Variants in ANKRD30BL observed in about 807,000 individuals in gnomAD.
ANKRD30BL encodes ankyrin repeat domain 30B like, also known as putative ankyrin repeat domain-containing protein 30B-like.
In ANKRD30BL, 20 loss-of-function variants were observed where a neutral mutation model predicts 18.4. The observed-to-expected ratio is 1.09, with a 90% CI of 0.77 to 1.58. The LOEUF (loss-of-function observed/expected upper bound fraction) is 1.58, where lower values mean the gene tolerates loss of function less well. Among genes scored for constraint, ANKRD30BL ranks in the 40% most tolerant of loss-of-function variants. The probability of loss-of-function intolerance (pLI) is 0.00; values close to 1 mark genes in which losing one functional copy is unlikely to be tolerated. For missense variants in ANKRD30BL, 224 were observed against 268.6 expected (o/e 0.83, Z 1.16); for synonymous variants, 72 against 100.9 (o/e 0.71, Z 1.72).
intron 1 of ANKRD30BL, among the ~76,000 whole-genome samples, chr2:132,236,118 G>T (rs981814201): frequency 3.9e-5 from 6 of 151,942 alleles, no homozygotes; most frequent in African/African-American, 1.5e-4. Flanking sequence ...AATGGTGCTG[G>T]GAAAACTGGC....
Position 132,177,688 on chromosome 2 carries a change from G to C in ANKRD30BL, n.442-20542C>G, listed in dbSNP as rs551188218. Among the ~76,000 whole-genome samples, 229 of 152,248 alleles carry C rather than the reference G, an allele frequency of 1.5e-3. 2 individuals carry two copies. The highest frequency in any genetic ancestry group is 5.2e-3 in the African/African-American group (218 of 41,562). On this transcript the variant is annotated intron_variant and non_coding_transcript_variant, in intron 1 of 4. Transcript: ENST00000470729. ...AAGGAATTGTTGAAAGAAAATACTGGATTTCAATATAGCATTTTCTCCTTT... is the reference window on the plus strand; with the variant it reads ...AAGGAATTGTTGAAAGAAAATACTGCATTTCAATATAGCATTTTCTCCTTT...
At chr2:132,188,100 C>T (rs139104614) in intron 1 of ANKRD30BL, among the ~76,000 whole-genome samples, 6,334 of 152,040 alleles carry the variant, frequency 0.042, 415 homozygotes, top group African/African-American at 0.15. Flanking sequence ...TATTTTTATG[C>T]CATAGTTCAT....
In ANKRD30BL at chr2:132,175,255, T is replaced by C. The variant is rs540745945; in HGVS notation, n.442-18109A>G. On this transcript the variant is annotated intron_variant and non_coding_transcript_variant, in intron 1 of 4. Transcript: ENST00000470729. ...ATGCAGTAGGAGAGCAGGGTGATAATAGGGAGAAGGTCAGCAAAAAAACAT... is the reference window on the plus strand; with the variant it reads ...ATGCAGTAGGAGAGCAGGGTGATAACAGGGAGAAGGTCAGCAAAAAAACAT... Among the ~76,000 whole-genome samples, 982 of 151,642 alleles carry C rather than the reference T, an allele frequency of 6.5e-3. 7 individuals are homozygous for C. Among genetic ancestry groups the C allele is most frequent in the African/African-American group, 0.014 (585 of 41,248 alleles).
chr2:132,230,380 T>C (rs1679976272), intron 1 of ANKRD30BL, among the ~76,000 whole-genome samples: 1 of 151,840 alleles, frequency 6.6e-6, no homozygotes, highest in South Asian at 2.1e-4. Context: ...AGTTGAACTT[T>C]CCTTTGATAG....
intron 1 of ANKRD30BL, among the ~76,000 whole-genome samples, chr2:132,230,965 C>T (rs1011564682): frequency 6.6e-6 from 1 of 152,092 alleles, no homozygotes; most frequent in Non-Finnish European, 1.5e-5. Flanking sequence ...GCTTTGCAGC[C>T]TTCATTGGAA....
intron 1 of ANKRD30BL, among the ~76,000 whole-genome samples, chr2:132,226,847 G>A (rs1234061281): frequency 6.6e-6 from 1 of 152,002 alleles, no homozygotes; most frequent in African/African-American, 2.4e-5. Context: ...TGCAGCCTAA[G>A]TTAGAAAAGG....
Position 132,214,645 on chromosome 2 carries a change from A to G in ANKRD30BL, n.441+42884T>C, listed in dbSNP as rs1194507973. ...GCAAGTGGACATTTGGAGTGCTTTG[A>G]GGCATATGGTGGAAAAGGAAATATC... is the stretch of plus-strand genomic sequence containing the variant. On this transcript the variant is annotated intron_variant and non_coding_transcript_variant, in intron 1 of 4. Coordinates refer to the ANKRD30BL transcript ENST00000470729. Among the ~76,000 whole-genome samples, 4 of 151,548 alleles carry G rather than the reference A, an allele frequency of 2.6e-5. No homozygotes were observed. The South Asian group carries it at 8.3e-4, about 32-fold the overall frequency.
chr2:132,153,572 G>A (rs1202121120), intron 4 of ANKRD30BL: 1 of 598,312 alleles, frequency 1.7e-6, no homozygotes, highest in African/African-American at 1.9e-5. Context: ...AAATCCACAA[G>A]CAACAGCATA....
At chr2:132,192,881 A>AGGGT (rs1558926396) in intron 1 of ANKRD30BL, among the ~76,000 whole-genome samples, 6 of 152,246 alleles carry the variant, frequency 3.9e-5, no homozygotes, top group Non-Finnish European at 7.3e-5. Context: ...TCTACTTTAC[A>AGGGT]TAGAAGAAAC....
At chr2:132,187,165 GTTTTTTGTTTTTTTTTTTGTTTGTTTT>G (rs1219743423) in intron 1 of ANKRD30BL, among the ~76,000 whole-genome samples, 2 of 122,282 alleles carry the variant, frequency 1.6e-5, no homozygotes, top group African/African-American at 6.5e-5. Flanking sequence ...ATCGTAGGAA[GTTTTTTGTTTTTTTTTTTGTTTGTTTT>G]TTTTTTTTTT....
chr2:132,228,228 C>G (rs1358745604), intron 1 of ANKRD30BL, among the ~76,000 whole-genome samples: 1 of 151,998 alleles, frequency 6.6e-6, no homozygotes, highest in Admixed American at 6.6e-5. Context: ...ATTTGGAGCG[C>G]TTTGAGGCCT....
At chr2:132,202,478 T>TA (rs1411701965) in intron 1 of ANKRD30BL, among the ~76,000 whole-genome samples, 5 of 151,682 alleles carry the variant, frequency 3.3e-5, no homozygotes, top group Admixed American at 6.6e-5. Flanking sequence ...AGATAAAATT[T>TA]AAAAAATCAA....
chr2:132,248,485 CT>C (rs1680561531), intron 1 of ANKRD30BL, among the ~76,000 whole-genome samples: 1 of 151,634 alleles, frequency 6.6e-6, no homozygotes, highest in African/African-American at 2.4e-5. Context: ...CAAAATATCC[CT>C]TTGCAGATTC....
intron 1 of ANKRD30BL, among the ~76,000 whole-genome samples, chr2:132,169,695 C>T (rs1473729912): frequency 7.0e-6 from 1 of 143,478 alleles, no homozygotes; most frequent in Non-Finnish European, 1.5e-5. Context: ...GAACTGTAGA[C>T]ATTTAACTCA....
At chr2:132,184,675 G>A (rs1258764952) in intron 1 of ANKRD30BL, among the ~76,000 whole-genome samples, 2 of 151,932 alleles carry the variant, frequency 1.3e-5, no homozygotes, top group Non-Finnish European at 2.9e-5. Flanking sequence ...TTCATATGAA[G>A]AATGAAACGC....
chr2:132,204,044 G>A (rs564130377), intron 1 of ANKRD30BL, among the ~76,000 whole-genome samples: 1,392 of 152,290 alleles, frequency 9.1e-3, no homozygotes, highest in Non-Finnish European at 0.013. Flanking sequence ...TATAATAGAG[G>A]AAGTTATCTG....
At chr2:132,157,503 T>C (rs1418028478) in intron 1 of ANKRD30BL, 80 bp from the exon 2 acceptor site, 1 of 471,838 alleles carries the variant, frequency 2.1e-6, no homozygotes, top group Admixed American at 3.8e-5. Flanking sequence ...TTGTCAACAT[T>C]AAATACCATG....
rs1449539566 is a variant in ANKRD30BL, at chr2:132,198,342, T to TTG, written n.442-41197_442-41196insCA. Among the ~76,000 whole-genome samples the TTG allele has an allele frequency of 1.0e-3, 118 of 113,214 alleles. 15 individuals are homozygous for TTG. The highest frequency in any genetic ancestry group is 5.1e-3 in the African/African-American group (109 of 21,228). The allele number at this position is 113,214 out of a possible 152,430, so 74.3% of individuals were successfully genotyped here. ...TTTCTTTCTTTTTTTTTTTTTTTTT[T>TTG]AGACAGAGTCTCCCTCTGTCGCCCA... On this transcript the variant is annotated intron_variant and non_coding_transcript_variant, in intron 1 of 4. Coordinates refer to the ANKRD30BL transcript ENST00000470729.
At chr2:132,211,368 G>C (rs1212433939) in intron 1 of ANKRD30BL, among the ~76,000 whole-genome samples, 1 of 151,806 alleles carries the variant, frequency 6.6e-6, no homozygotes, top group African/African-American at 2.4e-5. Flanking sequence ...TGAGCGCTTT[G>C]AGTCTTCTGG....
Sources: gnomAD v4.1 joint callset for allele counts (sites outside exome capture counted in the v4.1 genomes callset) on GRCh38, gnomAD v4.1.1 for gene constraint, MANE v1.5 for transcripts, NCBI Gene and HGNC (gene_info 2026-07-23, HGNC 2026-07-21) for gene names.